VPS13D: variants seen among roughly 807,000 people sequenced by gnomAD.
VPS13D encodes the protein vacuolar protein sorting 13 homolog D.
VPS13D carries 187 observed loss-of-function variants against 461.9 expected under a neutral mutation model. The ratio of observed to expected loss-of-function variants is 0.40; its 90% CI spans 0.36 to 0.46. The LOEUF is 0.46. Among genes scored for constraint, VPS13D ranks in the 20% least tolerant of loss-of-function variants. VPS13D has a pLI of 0.60. For missense variants in VPS13D, 4,711 were observed against 5,364.9 expected, an observed-to-expected ratio of 0.88 and a Z score of 3.81; for synonymous variants, 1,951 against 1,986.3, an observed-to-expected ratio of 0.98 and a Z score of 0.47.
intron 32 of VPS13D, among the ~76,000 whole-genome samples, chr1:12,320,584 A>G (rs1643009895): frequency 6.6e-6 from 1 of 152,304 alleles, no homozygotes; most frequent in East Asian, 1.9e-4. Context: ...TCTGTCTTGT[A>G]AAGAAACCTC....
chr1:12,393,246 C>T (rs1469458229), intron 60 of VPS13D, among the ~76,000 whole-genome samples: 1 of 152,212 alleles, frequency 6.6e-6, no homozygotes, highest in African/African-American at 2.4e-5. Flanking sequence ...TGTAATGGAC[C>T]AGTGTGATAT....
At position 12,378,564 on chromosome 1, in the gene VPS13D, C is replaced by T. The variant is rs770582821; in HGVS notation, c.11054C>T (p.Ala3685Val). Residue 3685 changes from alanine (A) to valine (V), a missense_variant, in exon 56 of 70, where the codon GCT (alanine) becomes GTT (valine). This residue lies in a region of VPS13D where 4,411 missense variants were observed against 4,937.8 expected (regional missense o/e 0.89). Coordinates refer to ENST00000620676, the MANE Select transcript of VPS13D (RefSeq NM_015378.4). Reference sequence around the variant, plus strand: ...GAGGGGTCTGCCATCTTAGATATTGCTGGTCTCGCTGCAGTGACTGACAAC... The same window carrying T: ...GAGGGGTCTGCCATCTTAGATATTGTTGGTCTCGCTGCAGTGACTGACAAC... Reference protein sequence around the residue: ...STEGSAILDIAGLAAVTDNRY... With the variant: ...STEGSAILDIVGLAAVTDNRY... The T allele has an allele frequency of 2.4e-5, 39 of 1,600,628 alleles. No individual in the cohort carries two copies. The highest frequency in any genetic ancestry group is 3.3e-5 in the Non-Finnish European group (39 of 1,173,750).
chr1:12,388,257 A>G (rs924923655), intron 60 of VPS13D, among the ~76,000 whole-genome samples: 1 of 152,228 alleles, frequency 6.6e-6, no homozygotes, highest in Non-Finnish European at 1.5e-5. Flanking sequence ...AAAGAGTTAT[A>G]ACTAATAATT....
At chr1:12,320,381 C>T (rs17457483) in intron 32 of VPS13D, among the ~76,000 whole-genome samples, 147,057 of 152,364 alleles carry the variant, frequency 0.97, 70,999 homozygotes, top group Middle Eastern at 1. Flanking sequence ...CCCCATGCCA[C>T]ACTGTTAGGA....
At chr1:12,484,667 C>G (rs1645772669) in intron 67 of VPS13D, among the ~76,000 whole-genome samples, 1 of 152,212 alleles carries the variant, frequency 6.6e-6, no homozygotes, top group Non-Finnish European at 1.5e-5. Flanking sequence ...GCTGTAGAGA[C>G]ATAGCGTGGA....
chr1:12,323,804 C>T (rs1334053504), intron 35 of VPS13D, 24 bp downstream of exon 35: 1 of 1,610,518 alleles, frequency 6.2e-7, no homozygotes, highest in Non-Finnish European at 8.5e-7. Context: ...GGTTCTGTTA[C>T]CCGTTGTTTA....
chr1:12,342,659 G>C, intron 41 of VPS13D: 1 of 402,112 alleles, frequency 2.5e-6, no homozygotes, highest in South Asian at 5.7e-5. Context: ...TCTACTGCCT[G>C]AGGTAAGTGG....
intron 26 of VPS13D, among the ~76,000 whole-genome samples, chr1:12,305,133 G>A (rs1211044327): frequency 6.6e-6 from 1 of 152,190 alleles, no homozygotes; most frequent in Non-Finnish European, 1.5e-5. Context: ...AAAAATATTA[G>A]CGTAAATTAG....
chr1:12,394,162 C>G (rs1383728230), intron 60 of VPS13D, among the ~76,000 whole-genome samples: 1 of 152,152 alleles, frequency 6.6e-6, no homozygotes, highest in East Asian at 1.9e-4. Flanking sequence ...CCGGCCTCCC[C>G]TTCATTCAAG....
chr1:12,351,483 G>T (rs1045987255), intron 46 of VPS13D, among the ~76,000 whole-genome samples: 3 of 151,972 alleles, frequency 2.0e-5, no homozygotes, highest in African/African-American at 7.3e-5. Flanking sequence ...TAGAGATGAG[G>T]TTTCACCAGT....
At chr1:12,304,837 TA>T in intron 26 of VPS13D, 109 bp downstream of exon 26, 2 of 1,072,810 alleles carry the variant, frequency 1.9e-6, no homozygotes, top group Non-Finnish European at 2.7e-6. Context: ...AACGAAGAGA[TA>T]GCATTTCTTT....
At chr1:12,437,617 C>T (rs188456182) in intron 65 of VPS13D, among the ~76,000 whole-genome samples, 27 of 152,310 alleles carry the variant, frequency 1.8e-4, no homozygotes, top group African/African-American at 6.3e-4. Flanking sequence ...CTCCCCCATC[C>T]ATTCCAATGA....
In VPS13D at chr1:12,287,450, G is replaced by C. The variant is rs559614727; in HGVS notation, c.5635-773G>C. Among the ~76,000 whole-genome samples the C allele has an allele frequency of 1.7e-3, 258 of 152,198 alleles. 1 individual carries two copies. The highest frequency in any genetic ancestry group is 6.1e-3 in the African/African-American group (253 of 41,512). ...TTGTGGCAGGCACTGAAGACAAAGG[G>C]GTGAAGGCATGGTCCTTGCTGTTAA... On this transcript the variant is annotated intron_variant, in intron 21 of 69. Coordinates refer to ENST00000620676, the MANE Select transcript of VPS13D (RefSeq NM_015378.4).
intron 2 of VPS13D, among the ~76,000 whole-genome samples, chr1:12,242,304 C>T (rs1050674225): frequency 3.3e-5 from 5 of 152,160 alleles, no homozygotes; most frequent in African/African-American, 1.2e-4. Context: ...TTCCCTTTAA[C>T]CTACACATGA....
At chr1:12,319,195 C>T (rs1642966465) in intron 31 of VPS13D, among the ~76,000 whole-genome samples, 2 of 152,150 alleles carry the variant, frequency 1.3e-5, no homozygotes, top group Admixed American at 6.5e-5. Flanking sequence ...TGAATATCTC[C>T]TAGGCCTCCC....
chr1:12,304,708 G>C lies in VPS13D; in HGVS notation c.6419G>C (p.Gly2140Ala). ...GGGCCGCAACCCACACTGTCTGTTGGCCAAGAGTCCAGTAGTCCAGGTAAA... is the reference window on the plus strand; with the variant it reads ...GGGCCGCAACCCACACTGTCTGTTGCCCAAGAGTCCAGTAGTCCAGGTAAA... ...QQGPQPTLSV[G>A]QESSSPEDHV... The change falls in exon 26 of 70, where the codon GGC becomes GCC. Residue 2140 changes from glycine to alanine, a missense_variant. Physicochemically the swap from Gly to Ala is moderately conservative, Grantham distance 60. This residue lies in a region of VPS13D where 4,411 missense variants were observed against 4,937.8 expected (regional missense o/e 0.89). Coordinates refer to ENST00000620676, the MANE Select transcript of VPS13D (RefSeq NM_015378.4). 2 of 1,613,876 alleles carry C rather than the reference G, an allele frequency of 1.2e-6. No individual in the cohort carries two copies. Among genetic ancestry groups the C allele is most frequent in the Non-Finnish European group, 1.7e-6 (2 of 1,180,014 alleles).
At chr1:12,262,185 A>G (rs1292245336) in intron 13 of VPS13D, 105 bp downstream of exon 13, 2 of 1,265,006 alleles carry the variant, frequency 1.6e-6, no homozygotes, top group African/African-American at 3.0e-5. Context: ...AGTCAGTGCG[A>G]AAACTGTATT....
Position 12,380,290 on chromosome 1 carries a change from G to T in VPS13D, c.11190+694G>T, listed in dbSNP as rs150719340. Among the ~76,000 whole-genome samples the T allele has an allele frequency of 4.3e-3, 649 of 152,292 alleles. 2 individuals carry two copies. The highest frequency in any genetic ancestry group is 0.015 in the African/African-American group (625 of 41,556). Reference sequence around the variant, plus strand: ...TGTAATTTTAAAAGTCCAGCACTAAGTTAGATGAATTAGATTTAGACCTGG... The same window carrying T: ...TGTAATTTTAAAAGTCCAGCACTAATTTAGATGAATTAGATTTAGACCTGG... On this transcript the variant is annotated intron_variant, in intron 57 of 69. Coordinates refer to ENST00000620676, the MANE Select transcript of VPS13D (RefSeq NM_015378.4).
At chr1:12,246,693 C>G (rs767573708) in intron 5 of VPS13D, among the ~76,000 whole-genome samples, 2 of 151,928 alleles carry the variant, frequency 1.3e-5, no homozygotes, top group African/African-American at 4.8e-5. Flanking sequence ...ATAAAGGGTA[C>G]GTTCTTTTGA....
Sources: allele counts gnomAD v4.1 joint callset (sites outside exome capture counted in the v4.1 genomes callset), GRCh38; gene constraint gnomAD v4.1.1; regional missense constraint gnomAD v4.1.1; transcripts MANE v1.5; gene names NCBI Gene and HGNC (gene_info 2026-07-23, HGNC 2026-07-21).